The following FRMD4A variants were observed in gnomAD, a reference collection of about 807,000 sequenced individuals.
FRMD4A encodes the protein FERM domain containing 4A, also known as FERM domain-containing protein 4A.
FRMD4A carries 29 observed loss-of-function variants against 129.1 expected under a neutral mutation model. The observed-to-expected ratio is 0.22, with a 90% CI of 0.17 to 0.31. FRMD4A has a LOEUF of 0.31. Among genes scored for constraint, FRMD4A ranks in the 10% least tolerant of loss-of-function variants. The probability of loss-of-function intolerance (pLI) is 1.00; values close to 1 mark genes in which losing one functional copy is unlikely to be tolerated. For missense variants in FRMD4A, 1,272 were observed against 1,375.8 expected (o/e 0.92, Z 1.19); for synonymous variants, 634 against 571.6 (o/e 1.11, Z -1.56).
intron 12 of FRMD4A, among the ~76,000 whole-genome samples, chr10:13,734,079 C>T (rs764580237): frequency 6.6e-6 from 1 of 152,216 alleles, no homozygotes; most frequent in Non-Finnish European, 1.5e-5. Context: ...CCCAGACCTC[C>T]TCTTCTCTCA....
At chr10:13,727,352 C>G (rs535648257) in intron 12 of FRMD4A, among the ~76,000 whole-genome samples, 4 of 152,168 alleles carry the variant, frequency 2.6e-5, no homozygotes, top group Non-Finnish European at 5.9e-5. Context: ...CTCCCGGAAT[C>G]GTCTCAGCTA....
chr10:14,083,404 C>T (rs1159199142), intron 2 of FRMD4A: 1 of 152,284 alleles, frequency 6.6e-6, no homozygotes, highest in Non-Finnish European at 1.5e-5. Context: ...AATTGTGACA[C>T]CGCAGAGGAC....
intron 2 of FRMD4A, among the ~76,000 whole-genome samples, chr10:13,919,183 A>T (rs2131252242): frequency 1.3e-5 from 2 of 152,358 alleles, no homozygotes; most frequent in Middle Eastern, 6.8e-3. Flanking sequence ...AAAGTCTCTT[A>T]GCAGAAAAGG....
intron 24 of FRMD4A, chr10:13,651,022 T>C (rs1009862551): frequency 6.6e-6 from 1 of 152,242 alleles, no homozygotes; most frequent in South Asian, 2.1e-4. Context: ...GCAATTTGAT[T>C]TCAAGCCCTT....
intron 2 of FRMD4A, among the ~76,000 whole-genome samples, chr10:14,215,946 C>T (rs759607084): frequency 1.3e-5 from 2 of 151,970 alleles, no homozygotes; most frequent in Admixed American, 1.3e-4. Flanking sequence ...CTTTGATTTT[C>T]TTCCTGGAAG....
chr10:14,127,952 T>TTCTTTCTTTCTTTCTTTCTC (rs1564319104), intron 2 of FRMD4A, among the ~76,000 whole-genome samples: 3 of 23,060 alleles, frequency 1.3e-4, no homozygotes, highest in African/African-American at 8.0e-4. Flanking sequence ...CTTTCTTTCT[T>TTCTTTCTTTCTTTCTTTCTC]TCTTTCTTTC....
intron 2 of FRMD4A, chr10:14,008,612 G>T: frequency 3.7e-6 from 2 of 537,114 alleles, no homozygotes; most frequent in Non-Finnish European, 4.8e-6. Context: ...AAGCCCCTCG[G>T]CCGTACAGTA....
intron 2 of FRMD4A, among the ~76,000 whole-genome samples, chr10:14,032,785 G>A (rs187740981): frequency 1.6e-4 from 24 of 152,332 alleles, no homozygotes; most frequent in African/African-American, 5.1e-4. Context: ...CTGCACTAGT[G>A]ATAAAAGGCG....
At chr10:14,086,003 T>C (rs992952460) in intron 2 of FRMD4A, among the ~76,000 whole-genome samples, 2 of 152,218 alleles carry the variant, frequency 1.3e-5, no homozygotes, top group East Asian at 1.9e-4. Flanking sequence ...AAATATTTTA[T>C]GCCGAGGTCT....
intron 2 of FRMD4A, among the ~76,000 whole-genome samples, chr10:14,110,312 G>A (rs1837832994): frequency 6.6e-6 from 1 of 151,464 alleles, no homozygotes; most frequent in African/African-American, 2.4e-5. Context: ...GATCAAATAA[G>A]GAGAAACTGG....
chr10:14,039,407 C>CTATCTATCTATCT (rs1833672639), intron 2 of FRMD4A, among the ~76,000 whole-genome samples: 214 of 147,804 alleles, frequency 1.4e-3, no homozygotes, highest in African/African-American at 4.7e-3. Flanking sequence ...TCCATCCATC[C>CTATCTATCTATCT]ATCTATCTAT....
intron 2 of FRMD4A, among the ~76,000 whole-genome samples, chr10:14,030,354 AC>A (rs1355114465): frequency 3.3e-5 from 5 of 152,266 alleles, no homozygotes; most frequent in Non-Finnish European, 5.9e-5. Context: ...TGATTATTTC[AC>A]AATGTATACC....
rs144371774 is a variant in FRMD4A at position 14,158,506 on chromosome 10, G to A, written c.45+171552C>T. The stretch of plus-strand genomic sequence containing the variant: ...TGTGAGTCTGTGGCCCCAGCTACTC[G>A]AGAGCTGAGGCAGGAGGATCGCTTG... On this transcript the variant is annotated intron_variant, in intron 2 of 24. Transcript: ENST00000357447. Among the ~76,000 whole-genome samples the A allele has an allele frequency of 1.5e-4, 23 of 152,188 alleles. No homozygotes were observed. The East Asian group carries it at 2.1e-3, about 14-fold the overall frequency.
At chr10:13,840,717 G>A (rs2093949501) in intron 3 of FRMD4A, among the ~76,000 whole-genome samples, 1 of 148,184 alleles carries the variant, frequency 6.7e-6, no homozygotes. Context: ...GAACCCAGGG[G>A]GTGGAGGTTG....
intron 2 of FRMD4A, among the ~76,000 whole-genome samples, chr10:13,968,087 T>C (rs1033224631): frequency 5.3e-5 from 8 of 152,188 alleles, no homozygotes; most frequent in Non-Finnish European, 8.8e-5. Context: ...CCTTTTGCTA[T>C]GTGCAGAATG....
chr10:14,019,172 C>G (rs1832617039), intron 2 of FRMD4A, among the ~76,000 whole-genome samples: 1 of 151,786 alleles, frequency 6.6e-6, no homozygotes, highest in African/African-American at 2.4e-5. Flanking sequence ...AAGAGCTAAT[C>G]CAATTGATGC....
At chr10:13,884,174 A>ACACTCACACACACTCT (rs769193704) in intron 2 of FRMD4A, among the ~76,000 whole-genome samples, 1 of 105,216 alleles carries the variant, frequency 9.5e-6, no homozygotes, top group African/African-American at 3.6e-5. Context: ...ACACTCACAC[A>ACACTCACACACACTCT]CTCACACACA....
At chr10:14,248,227 C>T (rs1844313637) in intron 2 of FRMD4A, among the ~76,000 whole-genome samples, 2 of 152,114 alleles carry the variant, frequency 1.3e-5, no homozygotes, top group South Asian at 2.1e-4. Context: ...TAAGGAGACC[C>T]ATCTTCTCCA....
Position 13,785,685 on chromosome 10 carries a change from G to A in FRMD4A, c.300-2679C>T, listed in dbSNP as rs10796128. On this transcript the variant is annotated intron_variant, in intron 5 of 24. Coordinates refer to ENST00000357447, the MANE Select transcript of FRMD4A (RefSeq NM_018027.5). ...CATGCACAACGTGCAGGTTTGTTAC[G>A]TATGTATACATATGCCATGTTGGTG... Among the ~76,000 whole-genome samples, 31 of 151,592 alleles carry A rather than the reference G, an allele frequency of 2.0e-4. No individual in the cohort carries two copies. The East Asian group carries it at 4.3e-3, about 21-fold the overall frequency.
Sources: gnomAD v4.1 joint callset for allele counts (sites outside exome capture counted in the v4.1 genomes callset) on GRCh38, gnomAD v4.1.1 for gene constraint, MANE v1.5 for transcripts, NCBI Gene and HGNC (gene_info 2026-07-23, HGNC 2026-07-21) for gene names.